GRID2: variants seen among roughly 807,000 people sequenced by gnomAD.
The protein encoded by GRID2 is glutamate ionotropic receptor delta type subunit 2, also known as glutamate receptor ionotropic, delta-2.
A neutral mutation model predicts 114.8 loss-of-function variants in GRID2; 33 were observed. The ratio of observed to expected loss-of-function variants is 0.29; its 90% confidence interval spans 0.22 to 0.38. The LOEUF (loss-of-function observed/expected upper bound fraction) is 0.38, where lower values mean the gene tolerates loss of function less well. Ranked by LOEUF, GRID2 falls within the 10% of genes least tolerant of loss-of-function variation. The probability of loss-of-function intolerance (pLI) is 1.00; values close to 1 mark genes in which losing one functional copy is unlikely to be tolerated. For synonymous variants in GRID2, 505 were observed against 449.9 expected (o/e 1.12, Z -1.55); for missense variants, 1,184 against 1,257.7 (o/e 0.94, Z 0.89).
rs573451233 is a variant in GRID2 at position 92,579,531 on chromosome 4, G to A, written c.89-10600G>A. Among the ~76,000 whole-genome samples the A allele has an allele frequency of 3.9e-5, 6 of 151,914 alleles. No individual in the cohort carries two copies. In the South Asian group the frequency reaches 1.2e-3, roughly 32 times the overall value. Reference sequence around the variant, plus strand: ...AAGAATGGACTACATTTTTAACATAGATACAGTTTATATAGGATAAAAACT... The same window carrying A: ...AAGAATGGACTACATTTTTAACATAAATACAGTTTATATAGGATAAAAACT... On this transcript the variant is annotated intron_variant, in intron 1 of 15. Transcript: ENST00000282020.
chr4:93,279,729 G>T (rs1177004077), intron 8 of GRID2, among the ~76,000 whole-genome samples: 2 of 151,832 alleles, frequency 1.3e-5, no homozygotes, highest in Admixed American at 6.6e-5. Context: ...AATGAACAGA[G>T]TTATTATGGG....
intron 2 of GRID2, among the ~76,000 whole-genome samples, chr4:92,978,939 C>A (rs1754027580): frequency 6.6e-6 from 1 of 152,064 alleles, no homozygotes; most frequent in Non-Finnish European, 1.5e-5. Flanking sequence ...GGGAGGATCA[C>A]TTGAGCTCAG....
intron 1 of GRID2, among the ~76,000 whole-genome samples, chr4:92,408,980 G>T (rs1179723803): frequency 6.6e-6 from 1 of 151,986 alleles, no homozygotes; most frequent in Non-Finnish European, 1.5e-5. Context: ...TTGCCTGATT[G>T]TTCCTGCTAG....
At chr4:93,043,873 C>T (rs1222934956) in intron 2 of GRID2, among the ~76,000 whole-genome samples, 1 of 151,748 alleles carries the variant, frequency 6.6e-6, no homozygotes, top group Non-Finnish European at 1.5e-5. Context: ...TGTAACAAAC[C>T]TGCACGTTGT....
At chr4:92,626,983 A>T (rs1417255515) in intron 2 of GRID2, among the ~76,000 whole-genome samples, 1 of 152,168 alleles carries the variant, frequency 6.6e-6, no homozygotes, top group Admixed American at 6.6e-5. Flanking sequence ...AACAGAGAAC[A>T]ACTGGAAATA....
chr4:92,513,334 C>T lies in GRID2; in HGVS notation c.89-76797C>T, dbSNP rs151149042. On this transcript the variant is annotated intron_variant, in intron 1 of 15. Transcript: ENST00000282020. ...TAGAGAATGAAAAATTTTGGCCAAG[C>T]TTCTGTTTCTATCACACACCATGTT... is the stretch of plus-strand genomic sequence containing the variant. Among the ~76,000 whole-genome samples the T allele has an allele frequency of 8.4e-4, 127 of 151,890 alleles. 2 individuals are homozygous for T. In the East Asian group the frequency reaches 0.023, roughly 28 times the overall value.
chr4:93,437,755 C>T (rs1038144413), intron 10 of GRID2, among the ~76,000 whole-genome samples: 1 of 152,084 alleles, frequency 6.6e-6, no homozygotes, highest in Non-Finnish European at 1.5e-5. Context: ...CTTTAATCTG[C>T]CTAGACTGCC....
At chr4:92,865,869 CACTA>C (rs1402857772) in intron 2 of GRID2, among the ~76,000 whole-genome samples, 2 of 152,160 alleles carry the variant, frequency 1.3e-5, no homozygotes, top group East Asian at 3.8e-4. Flanking sequence ...CAAACAATGA[CACTA>C]ACATGACAGC....
rs546794836 is a variant in GRID2, at chr4:92,633,832, C to A, written c.244+43546C>A. On this transcript the variant is annotated intron_variant, in intron 2 of 15. Transcript: ENST00000282020. ...GGTGCTCTAAATACACAGAAATCAT[C>A]ATTTTGCCAAGTCAACTGCATTCTA... 8.9e-4 allele frequency among the ~76,000 whole-genome samples: 134 copies of A among 151,360 alleles called. 2 individuals are homozygous for A. The South Asian group carries it at 0.027, about 30-fold the overall frequency.
chr4:93,351,230 T>C (rs1334557962), intron 8 of GRID2, among the ~76,000 whole-genome samples: 1 of 152,068 alleles, frequency 6.6e-6, no homozygotes, highest in African/African-American at 2.4e-5. Flanking sequence ...GTACAAGTAC[T>C]TCAAACCTTC....
chr4:93,661,123 A>G (rs1325200177), intron 14 of GRID2, among the ~76,000 whole-genome samples: 1 of 152,220 alleles, frequency 6.6e-6, no homozygotes, highest in Non-Finnish European at 1.5e-5. Context: ...AAAATGTAGT[A>G]GTCAATCCTC....
intron 2 of GRID2, among the ~76,000 whole-genome samples, chr4:92,915,728 G>A (rs1167582971): frequency 3.3e-5 from 5 of 152,090 alleles, no homozygotes; most frequent in African/African-American, 1.2e-4. Context: ...GCCAGCATCT[G>A]TTATTTCTGA....
At chr4:92,631,347 G>T (rs1228707233) in intron 2 of GRID2, among the ~76,000 whole-genome samples, 1 of 151,982 alleles carries the variant, frequency 6.6e-6, no homozygotes, top group Non-Finnish European at 1.5e-5. Context: ...TGAGCTCTAG[G>T]ATTATCTATC....
At chr4:93,268,220 G>A (rs13142060) in intron 8 of GRID2, among the ~76,000 whole-genome samples, 105,147 of 152,042 alleles carry the variant, frequency 0.69, 36,848 homozygotes, top group Middle Eastern at 0.85. Context: ...AATTGGGTGA[G>A]GGGTGCTAAC....
At chr4:93,454,713 C>A (rs1723027480) in intron 10 of GRID2, among the ~76,000 whole-genome samples, 2 of 151,926 alleles carry the variant, frequency 1.3e-5, no homozygotes, top group Admixed American at 1.3e-4. Context: ...TTCCCAAAAG[C>A]TATAAACACA....
chr4:93,419,777 TA>T (rs913206470), intron 9 of GRID2, among the ~76,000 whole-genome samples: 31 of 152,092 alleles, frequency 2.0e-4, no homozygotes, highest in African/African-American at 7.2e-4. Context: ...GAGATTTACT[TA>T]AAAGGTAGAA....
chr4:92,576,590 G>A (rs141662880), intron 1 of GRID2, among the ~76,000 whole-genome samples: 3 of 152,298 alleles, frequency 2.0e-5, no homozygotes, highest in Non-Finnish European at 2.9e-5. Context: ...CCTGGGGCTG[G>A]AGTATGTAAA....
At chr4:93,294,186 G>A (rs1754041491) in intron 8 of GRID2, among the ~76,000 whole-genome samples, 1 of 127,114 alleles carries the variant, frequency 7.9e-6, no homozygotes, top group Non-Finnish European at 1.6e-5. Context: ...CCAAATCCTT[G>A]CATTTTCCTT....
chr4:93,616,470 C>T (rs1032536563), intron 13 of GRID2, among the ~76,000 whole-genome samples: 1 of 150,206 alleles, frequency 6.7e-6, no homozygotes, highest in African/African-American at 2.4e-5. Flanking sequence ...TGGTTTGAAC[C>T]CTGGAGGTGG....
Sources: allele counts gnomAD v4.1 joint callset (sites outside exome capture counted in the v4.1 genomes callset), GRCh38; gene constraint gnomAD v4.1.1; transcripts MANE v1.5; gene names NCBI Gene and HGNC (gene_info 2026-07-23, HGNC 2026-07-21).